Variants in CELF2 observed in about 807,000 individuals in gnomAD.
The protein encoded by CELF2 is CUGBP Elav-like family member 2.
A neutral mutation model predicts 62.6 loss-of-function variants in CELF2; 8 were observed. That is an observed-to-expected ratio of 0.13 (90% confidence interval 0.07 to 0.23). The LOEUF (loss-of-function observed/expected upper bound fraction) is 0.23. Ranked by LOEUF, CELF2 falls within the 10% of genes least tolerant of loss-of-function variation. The pLI, the probability that CELF2 is intolerant of heterozygous loss-of-function variation, is 1.00. For missense variants in CELF2, 333 were observed against 671.0 expected, an observed-to-expected ratio of 0.50 and a Z score of 5.56; for synonymous variants, 258 against 250.0, an observed-to-expected ratio of 1.03 and a Z score of -0.30.
intron 1 of CELF2, among the ~76,000 whole-genome samples, chr10:10,870,144 A>T (rs1331061664): frequency 6.6e-6 from 1 of 152,222 alleles, no homozygotes. Context: ...ATGAATTCTT[A>T]AGAAAAATCA....
At chr10:10,774,208 C>T in the CELF2 span, among the ~76,000 whole-genome samples, 7 of 152,126 alleles carry the variant, frequency 4.6e-5, no homozygotes, top group African/African-American at 7.2e-5. Flanking sequence ...ATTCCAAACA[C>T]GAGAGATGGG....
chr10:10,793,541 C>G (rs937169406), upstream of CELF2, among the ~76,000 whole-genome samples: 1 of 152,160 alleles, frequency 6.6e-6, no homozygotes, highest in African/African-American at 2.4e-5. Flanking sequence ...AGACATGCCC[C>G]CATGTTTTAC....
Position 11,070,842 on chromosome 10 carries a change from C to T in CELF2, c.74+52679C>T, listed in dbSNP as rs574143711. 6.8e-4 allele frequency among the ~76,000 whole-genome samples: 103 copies of T among 152,092 alleles called. No homozygotes were observed. The South Asian group carries it at 0.019, about 28-fold the overall frequency. ...ACTAAGGAGTCTAGTAAGAGGAAAACGAAAGAACAAAAGTTTTGGAATTTA... is the reference window on the plus strand; with the variant it reads ...ACTAAGGAGTCTAGTAAGAGGAAAATGAAAGAACAAAAGTTTTGGAATTTA... On this transcript the variant is annotated intron_variant, in intron 1 of 12. Transcript: ENST00000633077.
intron 1 of CELF2, among the ~76,000 whole-genome samples, chr10:11,065,359 G>A (rs1044924720): frequency 3.3e-5 from 5 of 152,152 alleles, no homozygotes; most frequent in Admixed American, 1.3e-4. Flanking sequence ...TAGATCTGAC[G>A]GTAAATTCTT....
intron 2 of CELF2, among the ~76,000 whole-genome samples, chr10:10,944,809 G>A (rs1343880636): frequency 1.3e-5 from 2 of 152,216 alleles, no homozygotes; most frequent in South Asian, 4.1e-4. Context: ...CGCCACATTG[G>A]CCAGGCTGGT....
chr10:11,016,245 G>C (rs938213886), upstream of CELF2, among the ~76,000 whole-genome samples: 4 of 152,176 alleles, frequency 2.6e-5, no homozygotes, highest in African/African-American at 9.7e-5. The surrounding 1 kb of genome is among the most constrained non-coding windows in gnomAD (Gnocchi z 5.2). Context: ...TTAGTAGTCT[G>C]GGGACAAGTT....
intron 1 of CELF2, among the ~76,000 whole-genome samples, chr10:11,160,714 C>T (rs532370064): frequency 6.7e-6 from 1 of 149,096 alleles, no homozygotes; most frequent in African/African-American, 2.5e-5. Flanking sequence ...GATTTTCTAT[C>T]TTTACGCACA....
At chr10:11,282,673 C>G (rs2089393673) in intron 8 of CELF2, among the ~76,000 whole-genome samples, 1 of 152,244 alleles carries the variant, frequency 6.6e-6, no homozygotes, top group Non-Finnish European at 1.5e-5. Flanking sequence ...GAGGTGAGTT[C>G]TACTTCAGTC....
intron 1 of CELF2, among the ~76,000 whole-genome samples, chr10:10,827,098 GTTGTTTGT>G (rs147677000): frequency 8.6e-5 from 13 of 151,318 alleles, no homozygotes; most frequent in Non-Finnish European, 1.2e-4. Context: ...ATCAAAGAGG[GTTGTTTGT>G]TTGTTTGTTT....
chr10:10,886,845 CA>C (rs1427256074), intron 1 of CELF2, among the ~76,000 whole-genome samples: 6 of 152,198 alleles, frequency 3.9e-5, no homozygotes, highest in Admixed American at 3.3e-4. Context: ...CAGAAAACAA[CA>C]AAAAACAGAA....
At chr10:10,465,382 A>T in the CELF2 span, among the ~76,000 whole-genome samples, 1 of 152,170 alleles carries the variant, frequency 6.6e-6, no homozygotes, top group Non-Finnish European at 1.5e-5. Context: ...TTAGCATTGT[A>T]TCAGGCTATT....
chr10:10,506,267 T>C, the CELF2 span, among the ~76,000 whole-genome samples: 1 of 99,214 alleles, frequency 1.0e-5, no homozygotes, highest in Non-Finnish European at 2.2e-5. Context: ...TAAGATGCAC[T>C]TCGTGTGTGT....
chr10:10,571,604 G>T, the CELF2 span, among the ~76,000 whole-genome samples: 3 of 152,160 alleles, frequency 2.0e-5, no homozygotes, highest in East Asian at 5.8e-4. Context: ...AGAAAGTGAA[G>T]GCATCTGAGC....
intron 1 of CELF2, among the ~76,000 whole-genome samples, chr10:10,854,054 G>A (rs1487823386): frequency 6.6e-6 from 1 of 152,064 alleles, no homozygotes; most frequent in Non-Finnish European, 1.5e-5. Context: ...TCATTTAAGA[G>A]TCCATTTAAA....
the CELF2 span, among the ~76,000 whole-genome samples, chr10:10,742,276 A>G: frequency 6.6e-6 from 1 of 152,322 alleles, no homozygotes; most frequent in Middle Eastern, 3.4e-3. Flanking sequence ...ACAAGGTTAA[A>G]TGAGGACTTA....
the CELF2 span, among the ~76,000 whole-genome samples, chr10:10,605,688 A>G: frequency 6.6e-6 from 1 of 152,226 alleles, no homozygotes; most frequent in Admixed American, 6.5e-5. Context: ...AGAAGAGTCC[A>G]GGAAATGAAG....
At chr10:10,548,977 C>T in the CELF2 span, among the ~76,000 whole-genome samples, 1 of 152,144 alleles carries the variant, frequency 6.6e-6, no homozygotes, top group Non-Finnish European at 1.5e-5. Flanking sequence ...AAGGGCCGAT[C>T]AGACAGCAAA....
chr10:10,862,610 AC>A (rs1240714507), intron 1 of CELF2, among the ~76,000 whole-genome samples: 1 of 152,254 alleles, frequency 6.6e-6, no homozygotes, highest in Non-Finnish European at 1.5e-5. Context: ...TCTAATGGTT[AC>A]AAGTGTGTCA....
intron 3 of CELF2, among the ~76,000 whole-genome samples, chr10:11,239,958 C>T (rs2073174579): frequency 6.6e-6 from 1 of 152,174 alleles, no homozygotes; most frequent in African/African-American, 2.4e-5. Flanking sequence ...GAGGCTAAGG[C>T]AGGAGAATCG....
Sources: allele counts gnomAD v4.1 joint callset (sites outside exome capture counted in the v4.1 genomes callset), GRCh38; gene constraint gnomAD v4.1.1; non-coding constraint Gnocchi (gnomAD v3.1); transcripts MANE v1.5; gene names NCBI Gene and HGNC (gene_info 2026-07-23, HGNC 2026-07-21).